SOBP: variants seen among roughly 807,000 people sequenced by gnomAD.
SOBP encodes sine oculis binding protein homolog.
SOBP carries 4 observed loss-of-function variants against 53.6 expected under a neutral mutation model. That is an observed-to-expected ratio of 0.07 (90% CI 0.04 to 0.17). The LOEUF is 0.17. Ranked by LOEUF, SOBP falls within the 10% of genes least tolerant of loss-of-function variation. The pLI, the probability that SOBP is intolerant of heterozygous loss-of-function variation, is 1.00. For missense variants in SOBP, 1,088 were observed against 1,204.7 expected (o/e 0.90, Z 1.43); for synonymous variants, 584 against 522.6 (o/e 1.12, Z -1.60).
intron 6 of SOBP, among the ~76,000 whole-genome samples, chr6:107,647,503 A>C (rs962050641): frequency 1.3e-5 from 2 of 152,230 alleles, no homozygotes; most frequent in East Asian, 3.8e-4. Flanking sequence ...GCTTATTACA[A>C]AAATTGTCAT....
At chr6:107,533,359 TA>T in intron 3 of SOBP, 99 bp from the exon 4 acceptor site, 1 of 1,075,118 alleles carries the variant, frequency 9.3e-7, no homozygotes, top group Non-Finnish European at 1.3e-6. Context: ...GTCCAGAAAC[TA>T]AAATCAGGCC....
At chr6:107,559,127 A>G (rs905096339) in intron 4 of SOBP, among the ~76,000 whole-genome samples, 1 of 152,274 alleles carries the variant, frequency 6.6e-6, no homozygotes, top group Admixed American at 6.5e-5. Flanking sequence ...ATAAACTAGG[A>G]CTGGATTTTT....
intron 5 of SOBP, among the ~76,000 whole-genome samples, chr6:107,619,047 T>C (rs80318949): frequency 0.027 from 4,159 of 152,268 alleles, 190 homozygotes; most frequent in African/African-American, 0.094. Context: ...CGTTGATTTC[T>C]GGACAGAGCC....
intron 6 of SOBP, among the ~76,000 whole-genome samples, chr6:107,647,270 G>A (rs939109906): frequency 6.6e-5 from 10 of 152,210 alleles, no homozygotes; most frequent in African/African-American, 2.2e-4. Context: ...CAGATGAAGA[G>A]ACTGAGGCTT....
At chr6:107,567,530 T>G (rs148115470) in intron 4 of SOBP, among the ~76,000 whole-genome samples, 5 of 152,342 alleles carry the variant, frequency 3.3e-5, no homozygotes, top group Non-Finnish European at 7.3e-5. Context: ...CATGTGTGTC[T>G]TTCCCATAAT....
chr6:107,619,794 G>C (rs1786936784), intron 5 of SOBP, among the ~76,000 whole-genome samples: 1 of 152,122 alleles, frequency 6.6e-6, no homozygotes, highest in African/African-American at 2.4e-5. Flanking sequence ...GATTTGAGTA[G>C]GTCCACCCAG....
At chr6:107,496,557 T>C (rs1211763659) in intron 1 of SOBP, among the ~76,000 whole-genome samples, 1 of 152,238 alleles carries the variant, frequency 6.6e-6, no homozygotes, top group Non-Finnish European at 1.5e-5. Flanking sequence ...GTATTAGTGT[T>C]AATGATATGT....
intron 3 of SOBP, among the ~76,000 whole-genome samples, chr6:107,529,059 T>C (rs779543287): frequency 6.6e-6 from 1 of 152,226 alleles, no homozygotes; most frequent in Non-Finnish European, 1.5e-5. Context: ...CATTATGTTC[T>C]TTGTGGTTTA....
chr6:107,544,049 T>C (rs1784227072), intron 4 of SOBP, among the ~76,000 whole-genome samples: 1 of 152,184 alleles, frequency 6.6e-6, no homozygotes, highest in South Asian at 2.1e-4. Flanking sequence ...GTAAGTGGCC[T>C]AGGAGAGGCT....
intron 3 of SOBP, among the ~76,000 whole-genome samples, chr6:107,526,138 A>C (rs1423317702): frequency 6.6e-6 from 1 of 151,904 alleles, no homozygotes; most frequent in Non-Finnish European, 1.5e-5. Context: ...TTTTTAGTAA[A>C]GACAGTGTTT....
At chr6:107,580,577 C>T (rs768287719) in intron 4 of SOBP, among the ~76,000 whole-genome samples, 1 of 152,128 alleles carries the variant, frequency 6.6e-6, no homozygotes, top group Non-Finnish European at 1.5e-5. Context: ...AGACCTGGGA[C>T]TCTAGGAGAA....
At chr6:107,554,109 G>C (rs1224583953) in intron 4 of SOBP, among the ~76,000 whole-genome samples, 1 of 152,186 alleles carries the variant, frequency 6.6e-6, no homozygotes, top group Non-Finnish European at 1.5e-5. Flanking sequence ...GGTTTGACTT[G>C]TACTGCCTGG....
intron 3 of SOBP, among the ~76,000 whole-genome samples, chr6:107,528,991 G>T (rs1783744247): frequency 6.6e-6 from 1 of 152,164 alleles, no homozygotes; most frequent in Admixed American, 6.5e-5. Flanking sequence ...TTGTGAAAAA[G>T]ATTAAATAAC....
chr6:107,650,710 C>T (rs1397813109), intron 6 of SOBP, among the ~76,000 whole-genome samples: 1 of 152,142 alleles, frequency 6.6e-6, no homozygotes, highest in Non-Finnish European at 1.5e-5. Context: ...CTCCTTGGGC[C>T]TCCCTATTTC....
At chr6:107,582,323 G>C (rs983404408) in intron 4 of SOBP, among the ~76,000 whole-genome samples, 4 of 152,144 alleles carry the variant, frequency 2.6e-5, no homozygotes, top group Admixed American at 1.3e-4. Context: ...TGTATTGTAA[G>C]AATCAAAATA....
In SOBP at chr6:107,635,213, T is replaced by C. The variant is rs1770975701; in HGVS notation, c.2369T>C (p.Leu790Pro). 1 of 1,613,740 alleles carries C rather than the reference T, an allele frequency of 6.2e-7. No individual in the cohort carries two copies. The highest frequency in any genetic ancestry group is 8.5e-7 in the Non-Finnish European group (1 of 1,179,950). The change falls in exon 6 of 7, where the codon CTG becomes CCG. Residue 790 changes from leucine (L) to proline (P), a missense_variant. By Grantham distance (98) the Leu-to-Pro change is moderately conservative. Transcript: ENST00000317357. The surrounding 1 kb of genome is among the most constrained non-coding windows in gnomAD (Gnocchi z 4.5). ...CTGGACGGGGAGGCGGCCAAAAAGCTGATGGGCGAGGAGGCCCTGGCGGGG... is the reference window on the plus strand; with the variant it reads ...CTGGACGGGGAGGCGGCCAAAAAGCCGATGGGCGAGGAGGCCCTGGCGGGG... ...CHLDGEAAKK[L>P]MGEEALAGGD...
chr6:107,600,265 TG>T (rs766656730), intron 5 of SOBP, among the ~76,000 whole-genome samples: 1 of 152,168 alleles, frequency 6.6e-6, no homozygotes, highest in African/African-American at 2.4e-5. Context: ...CCTACGGGAA[TG>T]GGAAGAGCCA....
At chr6:107,641,835 T>C (rs1403642431) in intron 6 of SOBP, among the ~76,000 whole-genome samples, 1 of 152,226 alleles carries the variant, frequency 6.6e-6, no homozygotes, top group African/African-American at 2.4e-5. Context: ...ACTTACCTCA[T>C]GTTGTGGAAC....
intron 4 of SOBP, among the ~76,000 whole-genome samples, chr6:107,543,434 T>G (rs1784209074): frequency 6.6e-6 from 1 of 152,234 alleles, no homozygotes; most frequent in South Asian, 2.1e-4. Context: ...CATTACATGC[T>G]CATACCTGAA....
Sources: gnomAD v4.1 joint callset for allele counts (sites outside exome capture counted in the v4.1 genomes callset) on GRCh38, gnomAD v4.1.1 for gene constraint, Gnocchi (gnomAD v3.1) non-coding constraint, MANE v1.5 for transcripts, NCBI Gene and HGNC (gene_info 2026-07-23, HGNC 2026-07-21) for gene names.